The following EYS variants were observed in gnomAD, a reference collection of about 807,000 sequenced individuals.
EYS encodes EGF-like photoreceptor maintenance factor.
A neutral mutation model predicts 282.1 loss-of-function variants in EYS; 250 were observed. The observed-to-expected ratio is 0.89, with a 90% CI of 0.80 to 0.98. The LOEUF (loss-of-function observed/expected upper bound fraction) is 0.98, where lower values mean the gene tolerates loss of function less well. Among genes scored for constraint, EYS ranks in the 50% least tolerant of loss-of-function variants. The probability of loss-of-function intolerance (pLI) is 0.00; values close to 1 mark genes in which losing one functional copy is unlikely to be tolerated. For missense variants in EYS, 4,016 were observed against 3,709.0 expected, an observed-to-expected ratio of 1.08 and a Z score of -2.15; for synonymous variants, 1,355 against 1,282.9, an observed-to-expected ratio of 1.06 and a Z score of -1.20.
intron 13 of EYS, among the ~76,000 whole-genome samples, chr6:65,045,806 G>C (rs1282555746): frequency 1.3e-5 from 2 of 151,884 alleles, no homozygotes; most frequent in East Asian, 3.9e-4. Context: ...CTGTAGAATG[G>C]CTAGGGATGT....
At chr6:64,238,167 T>C (rs900301269) in intron 30 of EYS, among the ~76,000 whole-genome samples, 6 of 152,176 alleles carry the variant, frequency 3.9e-5, no homozygotes, top group Admixed American at 2.6e-4. Context: ...CTCACCATCT[T>C]CTATTCTTTA....
chr6:63,821,137 G>C (rs927912260), intron 36 of EYS: 1 of 150,504 alleles, frequency 6.6e-6, no homozygotes, highest in Non-Finnish European at 1.5e-5. Context: ...TTTCTACATA[G>C]AAGTCTTGCA....
At chr6:65,150,869 G>C (rs1164835567) in intron 12 of EYS, among the ~76,000 whole-genome samples, 1 of 151,566 alleles carries the variant, frequency 6.6e-6, no homozygotes, top group Non-Finnish European at 1.5e-5. Flanking sequence ...TTGCTCCCTT[G>C]GGTATTTTGG....
At chr6:64,518,065 C>A (rs1003732533) in intron 26 of EYS, among the ~76,000 whole-genome samples, 1 of 151,768 alleles carries the variant, frequency 6.6e-6, no homozygotes, top group African/African-American at 2.4e-5. Flanking sequence ...TCATTTCAAA[C>A]GTTTACATGC....
At chr6:64,913,674 T>G (rs1768073222) in intron 15 of EYS, among the ~76,000 whole-genome samples, 1 of 152,142 alleles carries the variant, frequency 6.6e-6, no homozygotes, top group Non-Finnish European at 1.5e-5. Context: ...ACAGCTACGT[T>G]GGTTCCATGA....
chr6:64,388,836 C>A lies in EYS; in HGVS notation c.5932G>T (p.Glu1978Ter). The A allele has an allele frequency of 6.7e-7, 1 of 1,499,422 alleles. No homozygotes were observed. Among genetic ancestry groups the A allele is most frequent in the Non-Finnish European group, 8.9e-7 (1 of 1,123,938 alleles). 92.9% of individuals were successfully genotyped at this position (1,499,422 alleles called of 1,614,324 possible). A position where few individuals can be genotyped will look rare whatever the true frequency, so the allele number is the denominator to read the frequency against. ...AGCTCAGCGTTACATGGATCCAATT[C>A]TTGCCTGTAACCATTTAAGAAAGAA... Reference protein sequence around the residue: ...GQKYTLLIRQELDPCNAELTI... With the variant: ...GQKYTLLIRQ The change falls in exon 29 of 43, where the codon GAA becomes TAA. Residue 1978 changes from glutamate (E) to a stop codon, truncating the protein, a stop_gained. Transcript: ENST00000503581. LOFTEE classifies it high-confidence loss of function.
rs1234287210 is a variant in EYS at position 63,721,370 on chromosome 6, T to A, written c.8661A>T (p.Gly2887=). Residue 2887 remains glycine (G), a synonymous_variant, in exon 43 of 43, where the codon GGA becomes GGT. Coordinates refer to ENST00000503581, the MANE Select transcript of EYS (RefSeq NM_001142800.2). ...TACGYNTCRN[G]GECTVNGTTF... ...TTGTGCCATTTACTGTACATTCACC[T>A]CCATTTCTGCATGTGTTGTACCCAC... The A allele has an allele frequency of 6.4e-7, 1 of 1,551,720 alleles. No individual in the cohort carries two copies. The highest frequency in any genetic ancestry group is 2.0e-5 in the Admixed American group (1 of 50,962).
chr6:64,663,067 A>AT (rs1183091642), intron 22 of EYS, among the ~76,000 whole-genome samples: 5 of 152,076 alleles, frequency 3.3e-5, no homozygotes, highest in Non-Finnish European at 5.9e-5. Flanking sequence ...AGAGGGCTAG[A>AT]TTTTTAAAAA....
rs967016762 is a variant in EYS at position 65,251,261 on chromosome 6, A to G, written c.2023+44602T>C. Among the ~76,000 whole-genome samples the G allele has an allele frequency of 3.2e-4, 48 of 151,700 alleles. 1 individual carries two copies. Among genetic ancestry groups the G allele is most frequent in the Admixed American group, 1.8e-3 (27 of 15,194 alleles). ...AAACAAATAGCATCAATTTTATAAAATAAAATTAATTACAAAATTTATGAA... is the reference window on the plus strand; with the variant it reads ...AAACAAATAGCATCAATTTTATAAAGTAAAATTAATTACAAAATTTATGAA... On this transcript the variant is annotated intron_variant, in intron 12 of 42. Transcript: ENST00000503581.
chr6:63,730,688 TA>T (rs1175337568), intron 41 of EYS, among the ~76,000 whole-genome samples: 1 of 152,224 alleles, frequency 6.6e-6, no homozygotes, highest in East Asian at 1.9e-4. Flanking sequence ...ACAATTTACT[TA>T]ACCACTGCCA....
intron 26 of EYS, among the ~76,000 whole-genome samples, chr6:64,446,911 T>C (rs902781767): frequency 2.0e-5 from 3 of 151,380 alleles, no homozygotes. Context: ...AAATGTAAAA[T>C]GATCCCTTTC....
At chr6:64,947,535 A>G (rs1365000038) in intron 14 of EYS, among the ~76,000 whole-genome samples, 2 of 151,674 alleles carry the variant, frequency 1.3e-5, no homozygotes, top group Non-Finnish European at 2.9e-5. Context: ...AGGGTACTCC[A>G]GTTTTGCTGG....
At chr6:65,302,078 T>G (rs1398895163) in intron 11 of EYS, among the ~76,000 whole-genome samples, 2 of 152,384 alleles carry the variant, frequency 1.3e-5, no homozygotes, top group South Asian at 4.1e-4. Flanking sequence ...GACTCTCAAG[T>G]TCATCTTTAA....
chr6:65,334,956 T>C, intron 11 of EYS, 24 bp downstream of exon 11: 2 of 1,592,576 alleles, frequency 1.3e-6, no homozygotes, highest in Non-Finnish European at 1.7e-6. Context: ...TGTGATATTA[T>C]CTGCTCAAAT....
intron 26 of EYS, among the ~76,000 whole-genome samples, chr6:64,472,340 TG>T (rs769471293): frequency 1.3e-5 from 2 of 152,206 alleles, no homozygotes; most frequent in Non-Finnish European, 2.9e-5. Context: ...GTTCTTCACG[TG>T]GCCCATTACA....
chr6:64,085,338 G>GCACACACACACACACACACA (rs749247868), intron 31 of EYS, among the ~76,000 whole-genome samples: 5 of 85,608 alleles, frequency 5.8e-5, no homozygotes, highest in African/African-American at 2.3e-4. Context: ...GCACGTGCGC[G>GCACACACACACACACACACA]CGCACACACA....
At chr6:63,812,088 T>A (rs1771062148) in intron 36 of EYS, among the ~76,000 whole-genome samples, 1 of 152,198 alleles carries the variant, frequency 6.6e-6, no homozygotes, top group Non-Finnish European at 1.5e-5. Flanking sequence ...AAATTGAGTG[T>A]CAAAGTTTCT....
intron 12 of EYS, among the ~76,000 whole-genome samples, chr6:65,262,955 C>T (rs541179673): frequency 1.3e-5 from 2 of 152,122 alleles, no homozygotes; most frequent in South Asian, 4.1e-4. Context: ...TTGTATAACT[C>T]GGGTCTGTTA....
chr6:64,363,456 G>A (rs888347707), intron 29 of EYS, among the ~76,000 whole-genome samples: 1 of 151,758 alleles, frequency 6.6e-6, no homozygotes, highest in Non-Finnish European at 1.5e-5. Context: ...TCTTGATCAC[G>A]TTTTTCCCCT....
Sources: gnomAD v4.1 joint callset for allele counts (sites outside exome capture counted in the v4.1 genomes callset) on GRCh38, gnomAD v4.1.1 for gene constraint, MANE v1.5 for transcripts, NCBI Gene and HGNC (gene_info 2026-07-23, HGNC 2026-07-21) for gene names.